Variants in ENAH observed in about 807,000 individuals in gnomAD.
The protein encoded by ENAH is protein enabled homolog.
Under a neutral mutation model 78.7 loss-of-function variants are expected in ENAH, and 23 were observed. The ratio of observed to expected loss-of-function variants is 0.29; its 90% CI spans 0.21 to 0.41. The LOEUF (loss-of-function observed/expected upper bound fraction) is 0.41, where lower values mean the gene tolerates loss of function less well. Among genes scored for constraint, ENAH ranks in the 10% least tolerant of loss-of-function variants. The probability of loss-of-function intolerance (pLI) is 1.00; values close to 1 mark genes in which losing one functional copy is unlikely to be tolerated. For synonymous variants in ENAH, 226 were observed against 241.0 expected, an observed-to-expected ratio of 0.94 and a Z score of 0.58; for missense variants, 544 against 691.0, an observed-to-expected ratio of 0.79 and a Z score of 2.39.
chr1:225,570,381 T>A (rs1049382692), intron 1 of ENAH, among the ~76,000 whole-genome samples: 2 of 151,682 alleles, frequency 1.3e-5, no homozygotes, highest in Non-Finnish European at 2.9e-5. Context: ...GGTCCACTTA[T>A]ACATGGATTT....
At position 225,491,858 on chromosome 1, in the gene ENAH, C is replaced by T. The variant is rs2096223773; in HGVS notation, c.*5917G>A. 1 of 152,186 alleles carries T rather than the reference C, an allele frequency of 6.6e-6. No homozygotes were observed. Among genetic ancestry groups the T allele is most frequent in the Non-Finnish European group, 1.5e-5 (1 of 68,034 alleles). The allele number at this position is 152,186 out of a possible 1,614,324, so 9.4% of individuals were successfully genotyped here. On this transcript the variant is annotated 3_prime_UTR_variant, in exon 14 of 14. Coordinates refer to ENST00000366843, the MANE Select transcript of ENAH (RefSeq NM_018212.6). The stretch of plus-strand genomic sequence containing the variant: ...CAAACCAACCTATAACATCATCCAT[C>T]TCCTTTATTAGTTATTTCTTTATGC...
intron 1 of ENAH, among the ~76,000 whole-genome samples, chr1:225,585,258 GAA>G (rs2096840523): frequency 9.4e-6 from 1 of 105,956 alleles, no homozygotes; most frequent in East Asian, 2.8e-4. Context: ...CAGAGAAAGA[GAA>G]AAAGACATTT....
Position 225,512,565 on chromosome 1 carries a change from C to T in ENAH, c.1422+92G>A, listed in dbSNP as rs940125572. ...CAAATATAAGTTCAAACTAATTAAG[C>T]CCAAATTAAATAAATGCTGACACTA... On this transcript the variant is annotated intron_variant, in intron 9 of 13. Coordinates refer to ENST00000366843, the MANE Select transcript of ENAH (RefSeq NM_018212.6). 26 of 1,308,160 alleles carry T rather than the reference C, an allele frequency of 2.0e-5. No individual in the cohort carries two copies. In the African/African-American group the frequency reaches 3.6e-4, roughly 18 times the overall value. The allele number at this position is 1,308,160 out of a possible 1,614,324, so 81.0% of individuals were successfully genotyped here.
Position 225,652,806 on chromosome 1 carries a change from C to T in ENAH, c.-116G>A, listed in dbSNP as rs1663297607. 1 of 890,584 alleles carries T rather than the reference C, an allele frequency of 1.1e-6. No individual in the cohort carries two copies. The highest frequency in any genetic ancestry group is 1.5e-6 in the Non-Finnish European group (1 of 666,600). The allele number at this position is 890,584 out of a possible 1,614,324, so 55.2% of individuals were successfully genotyped here. On this transcript the variant is annotated 5_prime_UTR_variant, in exon 1 of 14. Transcript: ENST00000366843. The stretch of plus-strand genomic sequence containing the variant: ...AGCTCGGAGACGGGAGACAAGTGTC[C>T]GGCTCCTCCTTCGGCGGCCAGGGGG...
Position 225,571,364 on chromosome 1 carries a change from C to T in ENAH, c.6-3950G>A, listed in dbSNP as rs566015893. ...CTCCAGCCTGGGCGACAGAGTGAGA[C>T]TCTGTCTCAAAAAAAAAGAAAAAAA... On this transcript the variant is annotated intron_variant, in intron 1 of 13. Transcript: ENST00000366843. Among the ~76,000 whole-genome samples, 16 of 151,838 alleles carry T rather than the reference C, an allele frequency of 1.1e-4. No individual in the cohort carries two copies. In the South Asian group the frequency reaches 2.9e-3, roughly 28 times the overall value.
intron 1 of ENAH, among the ~76,000 whole-genome samples, chr1:225,574,974 A>C (rs1436194535): frequency 6.6e-6 from 1 of 152,146 alleles, no homozygotes; most frequent in African/African-American, 2.4e-5. Context: ...AATAATAAAC[A>C]TATTTTCTCA....
intron 4 of ENAH, among the ~76,000 whole-genome samples, chr1:225,521,469 T>C (rs1194448497): frequency 6.6e-6 from 1 of 151,738 alleles, no homozygotes; most frequent in Non-Finnish European, 1.5e-5. Context: ...GGTGGAACCC[T>C]GTCTCTACTA....
At chr1:225,588,599 G>A (rs2096859051) in intron 1 of ENAH, among the ~76,000 whole-genome samples, 1 of 152,162 alleles carries the variant, frequency 6.6e-6, no homozygotes, top group Non-Finnish European at 1.5e-5. Context: ...CACGAAGTCA[G>A]GAGATTGAGA....
intron 1 of ENAH, among the ~76,000 whole-genome samples, chr1:225,631,451 G>A (rs1659032354): frequency 1.3e-5 from 2 of 151,682 alleles, no homozygotes; most frequent in Admixed American, 6.6e-5. Flanking sequence ...GCACACGCCT[G>A]TAGTCCCAGC....
chr1:225,548,185 T>C (rs1445347973), intron 3 of ENAH, among the ~76,000 whole-genome samples: 1 of 150,966 alleles, frequency 6.6e-6, no homozygotes, highest in Non-Finnish European at 1.5e-5. Context: ...TTCCTCTAAG[T>C]TAATCCATAT....
intron 1 of ENAH, among the ~76,000 whole-genome samples, chr1:225,599,809 A>G (rs925088054): frequency 6.6e-5 from 10 of 150,494 alleles, no homozygotes; most frequent in Admixed American, 5.9e-4. Flanking sequence ...AAAAAAAAAA[A>G]AAAAAAAAAA....
At chr1:225,644,258 TA>T (rs953216165) in intron 1 of ENAH, among the ~76,000 whole-genome samples, 3 of 152,050 alleles carry the variant, frequency 2.0e-5, no homozygotes, top group African/African-American at 7.2e-5. Flanking sequence ...AAAAGTAATT[TA>T]AAAAAATACT....
At chr1:225,601,393 A>G (rs1168774877) in intron 1 of ENAH, among the ~76,000 whole-genome samples, 1 of 151,888 alleles carries the variant, frequency 6.6e-6, no homozygotes, top group East Asian at 1.9e-4. Context: ...TGGCGGACGC[A>G]TGTAGTCCCA....
rs1396697352 is a variant in ENAH, at chr1:225,494,491, C to G, written c.*3284G>C. 6.6e-6 allele frequency: 1 copy of G among 151,888 alleles called. No homozygotes were observed. The highest frequency in any genetic ancestry group is 6.6e-5 in the Admixed American group (1 of 15,254). The allele number at this position is 151,888 out of a possible 1,614,324, so 9.4% of individuals were successfully genotyped here. A position where few individuals can be genotyped will look rare whatever the true frequency, so the allele number is the denominator to read the frequency against. On this transcript the variant is annotated 3_prime_UTR_variant, in exon 14 of 14. Coordinates refer to ENST00000366843, the MANE Select transcript of ENAH (RefSeq NM_018212.6). ...TTAAGTACCTGAACGTGTTGCAGAA[C>G]AAAATGGAATAAAAATTAAACACTT...
At chr1:225,532,994 T>TTGGG (rs2096545203) in intron 3 of ENAH, among the ~76,000 whole-genome samples, 1 of 151,750 alleles carries the variant, frequency 6.6e-6, no homozygotes, top group Admixed American at 6.6e-5. Context: ...ATCCTTTAAA[T>TTGGG]TGGGTGTGTG....
At chr1:225,608,835 A>C (rs2096972151) in intron 1 of ENAH, among the ~76,000 whole-genome samples, 1 of 151,148 alleles carries the variant, frequency 6.6e-6, no homozygotes, top group Non-Finnish European at 1.5e-5. Flanking sequence ...AAAAAAAAAA[A>C]AAAAAAGGAG....
intron 1 of ENAH, among the ~76,000 whole-genome samples, chr1:225,585,355 T>A (rs935206979): frequency 6.7e-6 from 1 of 148,994 alleles, no homozygotes; most frequent in African/African-American, 2.5e-5. Context: ...TGCAAGCACA[T>A]AGAATAAATG....
At chr1:225,540,739 C>T in intron 3 of ENAH, among the ~76,000 whole-genome samples, 1 of 151,068 alleles carries the variant, frequency 6.6e-6, no homozygotes, top group East Asian at 1.9e-4. Flanking sequence ...AGGCTTCTTG[C>T]TTTGATTTTA....
chr1:225,555,390 G>A (rs1028996606), intron 2 of ENAH, among the ~76,000 whole-genome samples: 4 of 152,126 alleles, frequency 2.6e-5, no homozygotes, highest in African/African-American at 9.7e-5. Flanking sequence ...AGACCATCCT[G>A]GCTAACACGG....
Sources: allele counts gnomAD v4.1 joint callset (sites outside exome capture counted in the v4.1 genomes callset), GRCh38; gene constraint gnomAD v4.1.1; transcripts MANE v1.5; gene names NCBI Gene and HGNC (gene_info 2026-07-23, HGNC 2026-07-21).